ADAMTSL1: variants seen among roughly 807,000 people sequenced by gnomAD.
ADAMTSL1 encodes the protein ADAMTS like 1.
A neutral mutation model predicts 201.8 loss-of-function variants in ADAMTSL1; 126 were observed. That is an observed-to-expected ratio of 0.62 (90% CI 0.54 to 0.72). The LOEUF (loss-of-function observed/expected upper bound fraction) is 0.72, where lower values mean the gene tolerates loss of function less well. Among genes scored for constraint, ADAMTSL1 ranks in the 30% least tolerant of loss-of-function variants. The probability of loss-of-function intolerance (pLI) is 0.00; values close to 1 mark genes in which losing one functional copy is unlikely to be tolerated. For synonymous variants in ADAMTSL1, 1,121 were observed against 903.4 expected (o/e 1.24, Z -4.32); for missense variants, 2,679 against 2,277.8 (o/e 1.18, Z -3.59).
At chr9:18,039,992 A>G (rs187327741) in intron 1 of ADAMTSL1, among the ~76,000 whole-genome samples, 8 of 152,318 alleles carry the variant, frequency 5.3e-5, no homozygotes, top group Admixed American at 2.6e-4. Context: ...AAAGGATAGA[A>G]TGACCATATT....
At chr9:18,513,589 G>T (rs1818171500) in intron 2 of ADAMTSL1, among the ~76,000 whole-genome samples, 2 of 152,124 alleles carry the variant, frequency 1.3e-5, no homozygotes, top group Admixed American at 6.5e-5. Flanking sequence ...AGGAAGCTTT[G>T]CCCCTGTATT....
At chr9:18,392,530 C>T (rs1321854269) in intron 2 of ADAMTSL1, among the ~76,000 whole-genome samples, 1 of 152,164 alleles carries the variant, frequency 6.6e-6, no homozygotes. Context: ...TGCTGATAGC[C>T]CTTATCTTTA....
intron 1 of ADAMTSL1, among the ~76,000 whole-genome samples, chr9:17,954,052 G>T (rs1316619957): frequency 6.6e-6 from 1 of 152,132 alleles, no homozygotes. Context: ...ATAGTTGGAA[G>T]GTCTGGGGCT....
At chr9:18,206,919 C>T (rs959682988) in intron 2 of ADAMTSL1, among the ~76,000 whole-genome samples, 1 of 152,112 alleles carries the variant, frequency 6.6e-6, no homozygotes, top group Non-Finnish European at 1.5e-5. Flanking sequence ...AATCCCAGCA[C>T]TTTGAGAGGC....
At chr9:18,775,050 C>CT (rs11299398) in intron 17 of ADAMTSL1, among the ~76,000 whole-genome samples, 4,045 of 147,816 alleles carry the variant, frequency 0.027, 68 homozygotes, top group Non-Finnish European at 0.044. Flanking sequence ...CACTTGTTGT[C>CT]TTTTTTTTTT....
intron 2 of ADAMTSL1, among the ~76,000 whole-genome samples, chr9:18,445,707 T>C (rs1201832209): frequency 6.6e-6 from 1 of 152,080 alleles, no homozygotes; most frequent in Non-Finnish European, 1.5e-5. Context: ...TCTTGAAAAA[T>C]TTTTTTATCA....
intron 3 of ADAMTSL1, among the ~76,000 whole-genome samples, chr9:18,534,479 G>C (rs1446368967): frequency 6.6e-6 from 1 of 152,198 alleles, no homozygotes; most frequent in Non-Finnish European, 1.5e-5. Flanking sequence ...TTTGAAATTA[G>C]AGTGATAAGT....
At chr9:17,935,746 T>G (rs1426916632) in intron 1 of ADAMTSL1, among the ~76,000 whole-genome samples, 1 of 152,196 alleles carries the variant, frequency 6.6e-6, no homozygotes, top group Non-Finnish European at 1.5e-5. Flanking sequence ...TGGACCATCT[T>G]GATTCAAATG....
At chr9:18,418,294 C>G (rs907667487) in intron 2 of ADAMTSL1, among the ~76,000 whole-genome samples, 15 of 152,176 alleles carry the variant, frequency 9.9e-5, no homozygotes, top group Non-Finnish European at 1.5e-5. Context: ...GTTTCCCCCC[C>G]GGCACTGGGG....
chr9:18,310,126 C>A (rs908054845), intron 2 of ADAMTSL1, among the ~76,000 whole-genome samples: 11 of 151,934 alleles, frequency 7.2e-5, no homozygotes, highest in Non-Finnish European at 1.3e-4. Flanking sequence ...GGAAAACTGG[C>A]TAGCCATATG....
At chr9:18,156,712 A>C (rs1189738885) in intron 1 of ADAMTSL1, among the ~76,000 whole-genome samples, 2 of 151,918 alleles carry the variant, frequency 1.3e-5, no homozygotes, top group Non-Finnish European at 2.9e-5. Flanking sequence ...GATGTGATAA[A>C]AATGTGCCCA....
chr9:18,437,693 G>T (rs1163658217), intron 2 of ADAMTSL1, among the ~76,000 whole-genome samples: 2 of 152,080 alleles, frequency 1.3e-5, no homozygotes, highest in African/African-American at 4.8e-5. Context: ...ATTTGGCAGT[G>T]ATTTCTTCTC....
chr9:18,015,020 G>A (rs1820200283), intron 1 of ADAMTSL1, among the ~76,000 whole-genome samples: 1 of 152,170 alleles, frequency 6.6e-6, no homozygotes, highest in Non-Finnish European at 1.5e-5. Flanking sequence ...AGCAATCATA[G>A]CAGAAGTAGC....
chr9:18,467,909 C>T (rs985335791), intron 2 of ADAMTSL1, among the ~76,000 whole-genome samples: 2 of 152,174 alleles, frequency 1.3e-5, no homozygotes, highest in Admixed American at 6.6e-5. Context: ...AACAGCTCTT[C>T]ACCTTATTGT....
chr9:18,183,111 G>A (rs1587253327), intron 2 of ADAMTSL1, among the ~76,000 whole-genome samples: 1 of 152,194 alleles, frequency 6.6e-6, no homozygotes, highest in South Asian at 2.1e-4. Flanking sequence ...TGATAAAGGA[G>A]CAAACGCAAC....
intron 1 of ADAMTSL1, among the ~76,000 whole-genome samples, chr9:17,946,493 T>A (rs1331612887): frequency 1.3e-5 from 2 of 152,168 alleles, no homozygotes; most frequent in Non-Finnish European, 2.9e-5. Context: ...AACATTTTTG[T>A]AAGAAAGATC....
chr9:18,818,275 C>T (rs747052375), intron 21 of ADAMTSL1, among the ~76,000 whole-genome samples: 4 of 150,618 alleles, frequency 2.7e-5, no homozygotes, highest in African/African-American at 9.8e-5. Flanking sequence ...CCAGGTTCCC[C>T]GATCATACCC....
chr9:17,962,370 C>T (rs556882354), intron 1 of ADAMTSL1, among the ~76,000 whole-genome samples: 2 of 152,240 alleles, frequency 1.3e-5, no homozygotes, highest in East Asian at 3.9e-4. Context: ...CATTTTTTAT[C>T]TCCGGTTTTG....
intron 23 of ADAMTSL1, among the ~76,000 whole-genome samples, chr9:18,870,710 C>A (rs118182198): frequency 6.6e-6 from 1 of 152,022 alleles, no homozygotes; most frequent in Non-Finnish European, 1.5e-5. Context: ...GTTGCAATTG[C>A]CAGGTTTCTA....
Sources: gnomAD v4.1 joint callset for allele counts (sites outside exome capture counted in the v4.1 genomes callset) on GRCh38, gnomAD v4.1.1 for gene constraint, MANE v1.5 for transcripts, NCBI Gene and HGNC (gene_info 2026-07-23, HGNC 2026-07-21) for gene names.